The following ARHGAP21 variants were observed in gnomAD, a reference collection of about 807,000 sequenced individuals.
ARHGAP21 encodes Rho GTPase activating protein 21.
In ARHGAP21, 38 loss-of-function variants were observed where a neutral mutation model predicts 164.6. The observed-to-expected ratio is 0.23, with a 90% CI of 0.18 to 0.30. ARHGAP21 has a LOEUF of 0.30. ARHGAP21 is among the 10% of genes least tolerant of loss of function. The probability of loss-of-function intolerance (pLI) is 1.00; values close to 1 mark genes in which losing one functional copy is unlikely to be tolerated. For missense variants in ARHGAP21, 1,822 were observed against 2,370.7 expected (o/e 0.77, Z 4.81); for synonymous variants, 766 against 857.9 (o/e 0.89, Z 1.87).
rs770860414 is a variant in ARHGAP21, at chr10:24,585,656, C to T, written c.4633G>A (p.Asp1545Asn). Reference protein sequence around the residue: ...KSSHLEETGSDSGTLLSTSSQ... With the variant: ...KSSHLEETGSNSGTLLSTSSQ... ...GACGTGCTGAGCAAAGTGCCAGAGTCAGAGCCTGTCTCTTCAAGGTGGGAG... is the reference window on the plus strand; with the variant it reads ...GACGTGCTGAGCAAAGTGCCAGAGTTAGAGCCTGTCTCTTCAAGGTGGGAG... Residue 1545 changes from aspartate (D) to asparagine (N), a missense_variant, in exon 26 of 26, where the codon GAC (aspartate) becomes AAC (asparagine). This residue lies in a region of ARHGAP21 where 333 missense variants were observed against 383.9 expected (regional missense o/e 0.87). Transcript: ENST00000396432. 6 of 1,614,186 alleles carry T rather than the reference C, an allele frequency of 3.7e-6. No homozygotes were observed. The highest frequency in any genetic ancestry group is 1.1e-5 in the South Asian group (1 of 91,082).
chr10:24,705,155 GACTA>G (rs1338353999), intron 2 of ARHGAP21, among the ~76,000 whole-genome samples: 2 of 152,186 alleles, frequency 1.3e-5, no homozygotes, highest in Non-Finnish European at 2.9e-5. Flanking sequence ...CTGATGATGA[GACTA>G]ACTAATGAGT....
At chr10:24,659,081 CTGG>C (rs748315175) in intron 4 of ARHGAP21, among the ~76,000 whole-genome samples, 20 of 152,314 alleles carry the variant, frequency 1.3e-4, no homozygotes, top group Admixed American at 9.8e-4. Context: ...TCATTCATTG[CTGG>C]TGGAGACATA....
intron 2 of ARHGAP21, among the ~76,000 whole-genome samples, chr10:24,694,553 T>C (rs1396977226): frequency 6.6e-6 from 1 of 152,244 alleles, no homozygotes; most frequent in Non-Finnish European, 1.5e-5. Flanking sequence ...TGGTAGGCAG[T>C]ATTTCACACA....
intron 2 of ARHGAP21, among the ~76,000 whole-genome samples, chr10:24,702,832 C>T (rs1843827613): frequency 6.6e-6 from 1 of 152,036 alleles, no homozygotes; most frequent in Non-Finnish European, 1.5e-5. Context: ...GTCACTATGA[C>T]CCAGTAATTT....
Position 24,619,619 on chromosome 10 carries a change from G to A in ARHGAP21, c.2276C>T (p.Ala759Val). 6.2e-7 allele frequency: 1 copy of A among 1,614,162 alleles called. No individual in the cohort carries two copies. Among genetic ancestry groups the A allele is most frequent in the Non-Finnish European group, 8.5e-7 (1 of 1,180,022 alleles). ...TGACCCGGTCTCCTGGTCATTTACTGCCAAGATGTAAGACTGATGCCTTAA... is the reference window on the plus strand; with the variant it reads ...TGACCCGGTCTCCTGGTCATTTACTACCAAGATGTAAGACTGATGCCTTAA... ...QPLRHQSYIL[A>V]VNDQETGSDT... is the part of the protein sequence containing the mutation. Residue 759 changes from alanine to valine, a missense_variant, in exon 9 of 26, where the codon GCA becomes GTA. Ala to Val is a moderately conservative substitution (Grantham distance 64). Around this residue, in one of 5 missense-constraint regions of ARHGAP21, gnomAD observed 1,090 missense variants for 1,378.9 expected, o/e 0.79. Coordinates refer to ENST00000396432, the MANE Select transcript of ARHGAP21 (RefSeq NM_020824.4).
At chr10:24,615,877 C>T (rs933485647) in intron 9 of ARHGAP21, among the ~76,000 whole-genome samples, 2 of 152,126 alleles carry the variant, frequency 1.3e-5, no homozygotes, top group Non-Finnish European at 2.9e-5. Context: ...CAGGTTCAAG[C>T]AATTCTCCTG....
intron 9 of ARHGAP21, among the ~76,000 whole-genome samples, chr10:24,611,336 T>A (rs995552859): frequency 6.6e-6 from 1 of 152,224 alleles, no homozygotes; most frequent in Non-Finnish European, 1.5e-5. Flanking sequence ...CAGTAAACTG[T>A]TGAGTTGTCA....
intron 2 of ARHGAP21, among the ~76,000 whole-genome samples, chr10:24,692,964 A>T (rs538781005): frequency 6.6e-6 from 1 of 152,248 alleles, no homozygotes; most frequent in East Asian, 1.9e-4. Context: ...TTTCAAAGAT[A>T]ATGCTGAGTG....
rs565731896 is a variant in ARHGAP21, at chr10:24,706,602, C to G, written c.63+15235G>C. On this transcript the variant is annotated intron_variant, in intron 2 of 25. Coordinates refer to ENST00000396432, the MANE Select transcript of ARHGAP21 (RefSeq NM_020824.4). ...AAATCCTGAACTGGGCCATGACTGC[C>G]TATAGCACAGTCTGCATCTCTTCTC... is the stretch of plus-strand genomic sequence containing the variant. The G allele has an allele frequency of 5.4e-4, 83 of 152,616 alleles. 3 individuals are homozygous for G. Among genetic ancestry groups the G allele is most frequent in the Non-Finnish European group, 4.8e-4 (33 of 68,054 alleles). 9.5% of individuals were successfully genotyped at this position (152,616 alleles called of 1,614,324 possible). A position where few individuals can be genotyped will look rare whatever the true frequency, so the allele number is the denominator to read the frequency against.
At chr10:24,627,591 G>T (rs1835267792) in intron 7 of ARHGAP21, among the ~76,000 whole-genome samples, 1 of 152,082 alleles carries the variant, frequency 6.6e-6, no homozygotes, top group Admixed American at 6.5e-5. Context: ...ACTCTTTACT[G>T]CTGAGCCTTG....
chr10:24,627,125 T>C lies in ARHGAP21; in HGVS notation c.495+2871A>G, dbSNP rs139104722. The stretch of plus-strand genomic sequence containing the variant: ...AGCACTTCTAAAATAATTTGGTCTG[T>C]ATATCACTTCAGGAAAAGAAAAAAA... On this transcript the variant is annotated intron_variant, in intron 7 of 25. Coordinates refer to ENST00000396432, the MANE Select transcript of ARHGAP21 (RefSeq NM_020824.4). Among the ~76,000 whole-genome samples the C allele has an allele frequency of 1.3e-3, 197 of 152,250 alleles. 3 individuals are homozygous for C. In the East Asian group the frequency reaches 0.033, roughly 25 times the overall value.
intron 7 of ARHGAP21, among the ~76,000 whole-genome samples, chr10:24,625,299 G>GCAAAAAAAAAAAAAAA (rs768183583): frequency 2.8e-4 from 15 of 53,774 alleles, no homozygotes; most frequent in Non-Finnish European, 3.4e-4. Flanking sequence ...ATGAAACAGA[G>GCAAAAAAAAAAAAAAA]AAAAAAAAAA....
intron 2 of ARHGAP21, among the ~76,000 whole-genome samples, chr10:24,684,001 C>CCTA (rs1842007738): frequency 1.3e-5 from 2 of 152,120 alleles, no homozygotes; most frequent in Admixed American, 6.6e-5. Flanking sequence ...AGACAGAAAG[C>CCTA]CTAGGCCAGG....
intron 9 of ARHGAP21, 146 bp downstream of exon 9, chr10:24,619,327 G>A: frequency 1.3e-6 from 1 of 796,098 alleles, no homozygotes; most frequent in Non-Finnish European, 1.9e-6. Flanking sequence ...TGAAAGCTCT[G>A]GTTGAAGCAC....
intron 2 of ARHGAP21, among the ~76,000 whole-genome samples, chr10:24,719,843 A>G (rs1164234186): frequency 6.6e-6 from 1 of 152,226 alleles, no homozygotes; most frequent in Non-Finnish European, 1.5e-5. Flanking sequence ...TCACAACTAA[A>G]TACAGGCAAT....
chr10:24,670,854 C>T (rs920290623), intron 2 of ARHGAP21, among the ~76,000 whole-genome samples: 1 of 152,142 alleles, frequency 6.6e-6, no homozygotes, highest in Non-Finnish European at 1.5e-5. Context: ...AAAAGGTCTT[C>T]AGGTTCTGAG....
intron 4 of ARHGAP21, among the ~76,000 whole-genome samples, chr10:24,665,923 G>A (rs1215951178): frequency 6.6e-6 from 1 of 152,200 alleles, no homozygotes; most frequent in South Asian, 2.1e-4. Flanking sequence ...GGATACTAGC[G>A]GAAAAACTGG....
rs1467252563 is a variant in ARHGAP21 at position 24,604,305 on chromosome 10, T to C, written c.2721+7A>G. 6.9e-6 allele frequency: 11 copies of C among 1,583,896 alleles called. No individual in the cohort carries two copies. The highest frequency in any genetic ancestry group is 8.6e-6 in the Non-Finnish European group (10 of 1,164,736). ...ACTAAGGTAAGTAGAAACACTCTAA[T>C]ACCAACCTTGATTCCCTTCAGACTA... On this transcript the variant is annotated splice_region_variant and intron_variant, in intron 12 of 25. Transcript: ENST00000396432.
chr10:24,609,384 A>G (rs2077160632), intron 9 of ARHGAP21, among the ~76,000 whole-genome samples: 1 of 152,238 alleles, frequency 6.6e-6, no homozygotes, highest in Admixed American at 6.5e-5. Context: ...TAAAATAATC[A>G]GTTTTAGATA....
Sources: gnomAD v4.1 joint callset for allele counts (sites outside exome capture counted in the v4.1 genomes callset) on GRCh38, gnomAD v4.1.1 for gene constraint, gnomAD v4.1.1 regional missense constraint, MANE v1.5 for transcripts, NCBI Gene and HGNC (gene_info 2026-07-23, HGNC 2026-07-21) for gene names.